The following PARD3 variants were observed in gnomAD, a reference collection of about 807,000 sequenced individuals.
PARD3 encodes par-3 family cell polarity regulator, also known as partitioning defective 3 homolog.
PARD3 carries 75 observed loss-of-function variants against 155.4 expected under a neutral mutation model. The observed-to-expected ratio is 0.48, with a 90% CI of 0.40 to 0.58. The LOEUF (loss-of-function observed/expected upper bound fraction) is 0.58. Ranked by LOEUF, PARD3 falls within the 20% of genes least tolerant of loss-of-function variation. The pLI, the probability that PARD3 is intolerant of heterozygous loss-of-function variation, is 0.00. For missense variants in PARD3, 1,642 were observed against 1,721.7 expected (o/e 0.95, Z 0.82); for synonymous variants, 576 against 610.5 (o/e 0.94, Z 0.83).
At chr10:34,772,050 G>C (rs1264053816) in intron 1 of PARD3, among the ~76,000 whole-genome samples, 1 of 152,138 alleles carries the variant, frequency 6.6e-6, no homozygotes, top group Non-Finnish European at 1.5e-5. Flanking sequence ...CGCCCAACAA[G>C]CAGAATGCAA....
At chr10:34,628,512 C>T (rs1292631684) in intron 2 of PARD3, among the ~76,000 whole-genome samples, 1 of 152,230 alleles carries the variant, frequency 6.6e-6, no homozygotes, top group Non-Finnish European at 1.5e-5. Context: ...TCAATGCTGT[C>T]CCAGTGAGAA....
chr10:34,649,429 G>A (rs1374216224), intron 2 of PARD3, among the ~76,000 whole-genome samples: 1 of 152,240 alleles, frequency 6.6e-6, no homozygotes, highest in Non-Finnish European at 1.5e-5. Context: ...CTACAAACCT[G>A]TACAACGTGT....
chr10:34,338,440 T>C (rs1160012144), intron 16 of PARD3, among the ~76,000 whole-genome samples: 1 of 152,254 alleles, frequency 6.6e-6, no homozygotes, highest in African/African-American at 2.4e-5. Context: ...AGCTCTACTA[T>C]ATCAGGTCCG....
intron 21 of PARD3, among the ~76,000 whole-genome samples, chr10:34,272,639 T>C (rs1955675230): frequency 6.6e-6 from 1 of 152,110 alleles, no homozygotes; most frequent in Admixed American, 6.6e-5. Context: ...GGTGAGAGGA[T>C]TGCCTGGGCC....
chr10:34,652,206 G>A (rs2490817), intron 2 of PARD3, among the ~76,000 whole-genome samples: 48,512 of 152,010 alleles, frequency 0.32, 7,924 homozygotes, highest in South Asian at 0.42. Flanking sequence ...CACCAGGCTC[G>A]CTGGCTGAAA....
At chr10:34,520,644 T>C (rs1170293120) in intron 2 of PARD3, among the ~76,000 whole-genome samples, 2 of 152,184 alleles carry the variant, frequency 1.3e-5, no homozygotes, top group African/African-American at 2.4e-5. Flanking sequence ...TCATAACTAC[T>C]CTACTCACTA....
chr10:34,564,300 A>T (rs2134091060), intron 2 of PARD3, among the ~76,000 whole-genome samples: 1 of 152,326 alleles, frequency 6.6e-6, no homozygotes, highest in African/African-American at 2.4e-5. Flanking sequence ...TATATAAAAA[A>T]GTATATGATG....
At chr10:34,155,666 AAATGTGTG>A in intron 22 of PARD3, among the ~76,000 whole-genome samples, 1 of 101,550 alleles carries the variant, frequency 9.8e-6, no homozygotes, top group Admixed American at 1.2e-4. Flanking sequence ...AGCCCTCTAA[AAATGTGTG>A]TGTGTGTGTG....
At chr10:34,648,899 G>C (rs2092924697) in intron 2 of PARD3, among the ~76,000 whole-genome samples, 1 of 152,056 alleles carries the variant, frequency 6.6e-6, no homozygotes, top group Non-Finnish European at 1.5e-5. Flanking sequence ...GGAATGGCCA[G>C]GATAAACTCA....
At chr10:34,491,781 C>A (rs767723246) in intron 3 of PARD3, among the ~76,000 whole-genome samples, 2 of 152,162 alleles carry the variant, frequency 1.3e-5, no homozygotes, top group Non-Finnish European at 2.9e-5. Flanking sequence ...ATTTAAGTAG[C>A]ACTTTTACAA....
chr10:34,484,986 C>T (rs955529515), intron 3 of PARD3, among the ~76,000 whole-genome samples: 2 of 152,210 alleles, frequency 1.3e-5, no homozygotes, highest in African/African-American at 4.8e-5. Context: ...CCTCACCTTT[C>T]ACTGTCATAT....
chr10:34,218,238 CAT>C (rs1307885804), intron 22 of PARD3, among the ~76,000 whole-genome samples: 1 of 152,190 alleles, frequency 6.6e-6, no homozygotes, highest in Non-Finnish European at 1.5e-5. Context: ...ATGGAAGGCA[CAT>C]GACATCTTTT....
intron 1 of PARD3, among the ~76,000 whole-genome samples, chr10:34,740,360 G>C (rs2094986702): frequency 6.6e-6 from 1 of 152,234 alleles, no homozygotes; most frequent in South Asian, 2.1e-4. Context: ...ATAAAAAATG[G>C]ATCAGTGCAT....
chr10:34,785,803 C>A (rs934015764), intron 1 of PARD3, among the ~76,000 whole-genome samples: 2 of 152,062 alleles, frequency 1.3e-5, no homozygotes, highest in Non-Finnish European at 2.9e-5. Flanking sequence ...CATTAGGAAA[C>A]TTTTGAATTT....
chr10:34,525,085 A>C (rs2082385696), intron 2 of PARD3, among the ~76,000 whole-genome samples: 1 of 152,196 alleles, frequency 6.6e-6, no homozygotes, highest in Non-Finnish European at 1.5e-5. Flanking sequence ...AACTCATTTA[A>C]ATAGAGCTAG....
At chr10:34,400,605 T>C (rs1278186947) in intron 6 of PARD3, among the ~76,000 whole-genome samples, 2 of 152,126 alleles carry the variant, frequency 1.3e-5, no homozygotes, top group Non-Finnish European at 2.9e-5. Context: ...TTCACAAAGA[T>C]CACAATATAA....
At chr10:34,801,543 T>C (rs1842843183) in intron 1 of PARD3, among the ~76,000 whole-genome samples, 1 of 152,128 alleles carries the variant, frequency 6.6e-6, no homozygotes. Context: ...AAGCCCAGAA[T>C]GTGAATGAGC....
At chr10:34,670,812 T>C (rs1205403339) in intron 2 of PARD3, among the ~76,000 whole-genome samples, 4 of 152,258 alleles carry the variant, frequency 2.6e-5, no homozygotes, top group Admixed American at 6.5e-5. Flanking sequence ...GTTTTGTTTA[T>C]GCTTTCAATC....
At chr10:34,361,683 C>T (rs1589303854) in intron 12 of PARD3, among the ~76,000 whole-genome samples, 1 of 152,134 alleles carries the variant, frequency 6.6e-6, no homozygotes, top group African/African-American at 2.4e-5. Flanking sequence ...ATTTATAAAT[C>T]TTTAGACCCA....
Sources: gnomAD v4.1 joint callset for allele counts (sites outside exome capture counted in the v4.1 genomes callset) on GRCh38, gnomAD v4.1.1 for gene constraint, MANE v1.5 for transcripts, NCBI Gene and HGNC (gene_info 2026-07-23, HGNC 2026-07-21) for gene names.